The following CADPS2 variants were observed in gnomAD, a reference collection of about 807,000 sequenced individuals.
CADPS2 encodes the protein calcium dependent secretion activator 2.
A neutral mutation model predicts 172.5 loss-of-function variants in CADPS2; 93 were observed. The ratio of observed to expected loss-of-function variants is 0.54; its 90% CI spans 0.46 to 0.64. CADPS2 has a LOEUF of 0.64. CADPS2 is among the 30% of genes least tolerant of loss of function. The probability of loss-of-function intolerance (pLI) is 0.00; values close to 1 mark genes in which losing one functional copy is unlikely to be tolerated. For missense variants in CADPS2, 1,420 were observed against 1,565.9 expected (o/e 0.91, Z 1.57); for synonymous variants, 546 against 555.2 (o/e 0.98, Z 0.23).
intron 3 of CADPS2, among the ~76,000 whole-genome samples, chr7:122,645,528 G>T (rs900849518): frequency 2.6e-4 from 28 of 109,528 alleles, no homozygotes; most frequent in African/African-American, 9.9e-4. Flanking sequence ...ATATATATAA[G>T]TATATATATA....
intron 1 of CADPS2, among the ~76,000 whole-genome samples, chr7:122,809,947 CACACATAT>C (rs1231033454): frequency 6.6e-6 from 1 of 152,136 alleles, no homozygotes; most frequent in Non-Finnish European, 1.5e-5. Flanking sequence ...ATGGTTATTA[CACACATAT>C]ACACATATGC....
rs542501142 is a variant in CADPS2, at chr7:122,499,522, A to G, written c.1543-8102T>C. 2.0e-5 allele frequency among the ~76,000 whole-genome samples: 3 copies of G among 152,326 alleles called. No individual in the cohort carries two copies. In the East Asian group the frequency reaches 5.8e-4, roughly 29 times the overall value. ...CATTTCTAGGTATTGGCCAAAAAGG[A>G]ATTCTTAATATTACCTTTAAGACTA... On this transcript the variant is annotated intron_variant, in intron 9 of 29. Coordinates refer to ENST00000449022, the MANE Select transcript of CADPS2 (RefSeq NM_017954.11).
intron 6 of CADPS2, among the ~76,000 whole-genome samples, chr7:122,607,003 T>C (rs1346784007): frequency 2.0e-5 from 3 of 151,976 alleles, no homozygotes; most frequent in Admixed American, 6.6e-5. Context: ...ACACCTGATA[T>C]GACAAACGGC....
intron 12 of CADPS2, among the ~76,000 whole-genome samples, chr7:122,477,641 C>A (rs1017021915): frequency 6.6e-6 from 1 of 150,758 alleles, no homozygotes; most frequent in Non-Finnish European, 1.5e-5. Flanking sequence ...AGATGTAATA[C>A]GGCTGAAATG....
chr7:122,649,360 AC>A (rs2078898184), intron 3 of CADPS2, among the ~76,000 whole-genome samples: 1 of 152,154 alleles, frequency 6.6e-6, no homozygotes, highest in East Asian at 1.9e-4. Context: ...ACACTCCCAA[AC>A]CAGCTCTATT....
chr7:122,382,177 T>C (rs184890176), intron 24 of CADPS2: 56 of 152,308 alleles, frequency 3.7e-4, no homozygotes, highest in African/African-American at 1.3e-3. Flanking sequence ...TCTGTGTTTT[T>C]TAATCCTTGC....
rs1221244005 is a variant in CADPS2 at position 122,345,621 on chromosome 7, G to C, written c.3565C>G (p.Leu1189Val). The stretch of plus-strand genomic sequence containing the variant: ...ATTTCCTCATTGACCTTTTCTCGAA[G>C]AATATCTTGGTTTTGCCGAACAAAC... ...IMFVRQNQDILREKVNEEMYI... is the reference protein window; with the variant it reads ...IMFVRQNQDIVREKVNEEMYI... Residue 1189 changes from leucine to valine, a missense_variant, in exon 28 of 30, where the codon CTT becomes GTT. By Grantham distance (32) the Leu-to-Val change is conservative (BLOSUM62 1). Transcript: ENST00000449022. 6.2e-7 allele frequency: 1 copy of C among 1,613,218 alleles called. No homozygotes were observed. The highest frequency in any genetic ancestry group is 1.7e-5 in the Admixed American group (1 of 59,904).
intron 2 of CADPS2, among the ~76,000 whole-genome samples, chr7:122,670,497 G>C (rs1011000066): frequency 2.6e-5 from 4 of 151,814 alleles, no homozygotes; most frequent in African/African-American, 9.7e-5. Context: ...CTTGAGCCCA[G>C]GAGTTCTTTT....
At chr7:122,361,321 C>A (rs1477449454) in intron 25 of CADPS2, among the ~76,000 whole-genome samples, 1 of 150,816 alleles carries the variant, frequency 6.6e-6, no homozygotes, top group Non-Finnish European at 1.5e-5. Flanking sequence ...GCAACCTCCA[C>A]CTCCCGAGTT....
chr7:122,762,017 T>A (rs1386745668), intron 1 of CADPS2, among the ~76,000 whole-genome samples: 2,196 of 80,996 alleles, frequency 0.027, 93 homozygotes, highest in African/African-American at 0.098. Context: ...AAAAAAAATA[T>A]ATATATATAT....
intron 8 of CADPS2, among the ~76,000 whole-genome samples, chr7:122,541,684 T>C (rs1161534857): frequency 6.8e-6 from 1 of 146,182 alleles, no homozygotes; most frequent in Non-Finnish European, 1.5e-5. Context: ...TTTATATATT[T>C]ATTCATATAT....
At chr7:122,796,305 T>C (rs1796358275) in intron 1 of CADPS2, among the ~76,000 whole-genome samples, 1 of 152,172 alleles carries the variant, frequency 6.6e-6, no homozygotes, top group Non-Finnish European at 1.5e-5. Flanking sequence ...TATAATTCAA[T>C]GCTCTTCCAT....
At chr7:122,401,512 C>T (rs950139950) in intron 20 of CADPS2, among the ~76,000 whole-genome samples, 23 of 152,142 alleles carry the variant, frequency 1.5e-4, no homozygotes, top group African/African-American at 5.1e-4. Flanking sequence ...CTTGCCTTAT[C>T]TATTATTGAC....
chr7:122,408,182 T>A (rs2046886577), intron 19 of CADPS2, among the ~76,000 whole-genome samples: 1 of 143,896 alleles, frequency 6.9e-6, no homozygotes, highest in South Asian at 2.1e-4. Flanking sequence ...ATACTGTTAT[T>A]TTTTTTTTTT....
In CADPS2 at chr7:122,727,284, A is replaced by G. The variant is rs758971910; in HGVS notation, c.453+9671T>C. 7.0e-4 allele frequency among the ~76,000 whole-genome samples: 106 copies of G among 151,868 alleles called. 2 individuals carry two copies. The highest frequency in any genetic ancestry group is 1.2e-4 in the Non-Finnish European group (8 of 67,922). The stretch of plus-strand genomic sequence containing the variant: ...CCTACCTTTGCAATGTGTTAGCTCT[A>G]AACTGAGCAGCCTTTCCTTGGGCCT... On this transcript the variant is annotated intron_variant, in intron 2 of 29. Transcript: ENST00000449022.
intron 5 of CADPS2, among the ~76,000 whole-genome samples, chr7:122,620,057 G>A (rs928003553): frequency 9.2e-5 from 14 of 152,070 alleles, no homozygotes; most frequent in Non-Finnish European, 1.5e-4. Flanking sequence ...GGAGAAAAAA[G>A]AATAAAAATC....
intron 25 of CADPS2, among the ~76,000 whole-genome samples, chr7:122,374,863 A>C (rs2042170068): frequency 6.6e-6 from 1 of 152,198 alleles, no homozygotes; most frequent in Non-Finnish European, 1.5e-5. Context: ...CCAGAACTTA[A>C]AGTATAATTT....
chr7:122,464,392 G>A (rs1438641394), intron 14 of CADPS2, among the ~76,000 whole-genome samples: 1 of 152,154 alleles, frequency 6.6e-6, no homozygotes, highest in Non-Finnish European at 1.5e-5. Flanking sequence ...TTGGAAAGAA[G>A]AGACATATAT....
intron 2 of CADPS2, chr7:122,698,437 G>A (rs147690048): frequency 2.9e-4 from 465 of 1,613,908 alleles, no homozygotes; most frequent in South Asian, 5.3e-4. Context: ...GAAAATTTCC[G>A]TGCCTTTTAA....
Sources: allele counts gnomAD v4.1 joint callset (sites outside exome capture counted in the v4.1 genomes callset), GRCh38; gene constraint gnomAD v4.1.1; transcripts MANE v1.5; gene names NCBI Gene and HGNC (gene_info 2026-07-23, HGNC 2026-07-21).